The following DDX10 variants were observed in gnomAD, a reference collection of about 807,000 sequenced individuals.
DDX10 encodes the protein probable ATP-dependent RNA helicase DDX10.
In DDX10, 74 loss-of-function variants were observed where a neutral mutation model predicts 104.3. That is an observed-to-expected ratio of 0.71 (90% CI 0.59 to 0.86). The LOEUF (loss-of-function observed/expected upper bound fraction) is 0.86, where lower values mean the gene tolerates loss of function less well. Among genes scored for constraint, DDX10 ranks in the 40% least tolerant of loss-of-function variants. DDX10 has a pLI of 0.00. For synonymous variants in DDX10, 351 were observed against 353.4 expected (o/e 0.99, Z 0.08); for missense variants, 952 against 1,040.0 (o/e 0.92, Z 1.16).
chr11:108,744,964 A>G (rs2134499190), intron 13 of DDX10, among the ~76,000 whole-genome samples: 1 of 151,910 alleles, frequency 6.6e-6, no homozygotes, highest in South Asian at 2.1e-4. Flanking sequence ...GTGGCCAATC[A>G]ATTTTGGAAG....
In DDX10 at chr11:108,887,958, T is replaced by TC. The variant is rs745864477; in HGVS notation, c.2305-29915_2305-29914insC. 6.8e-3 allele frequency among the ~76,000 whole-genome samples: 418 copies of TC among 61,372 alleles called. 3 individuals are homozygous for TC. Among genetic ancestry groups the TC allele is most frequent in the African/African-American group, 0.015 (329 of 21,236 alleles). The allele number at this position is 61,372 out of a possible 152,430, so 40.3% of individuals were successfully genotyped here. A position where few individuals can be genotyped will look rare whatever the true frequency, so the allele number is the denominator to read the frequency against. On this transcript the variant is annotated intron_variant, in intron 16 of 17. Coordinates refer to ENST00000322536, the MANE Select transcript of DDX10 (RefSeq NM_004398.4). Reference sequence around the variant, plus strand: ...AAAAAAGAAAAGAAATACAGCTTTTTTCCCCCCCACTTTCTAGTTACTAAA... The same window carrying TC: ...AAAAAAGAAAAGAAATACAGCTTTTTCTCCCCCCCACTTTCTAGTTACTAAA...
chr11:108,728,463 A>G (rs2094307912), intron 13 of DDX10, among the ~76,000 whole-genome samples: 1 of 151,612 alleles, frequency 6.6e-6, no homozygotes, highest in Admixed American at 6.6e-5. Context: ...CCTAGAGATA[A>G]CAACTGTCTT....
At chr11:108,677,048 G>A in intron 3 of DDX10, 37 bp from the exon 4 acceptor site, 1 of 1,576,480 alleles carries the variant, frequency 6.3e-7, no homozygotes, top group Non-Finnish European at 8.6e-7. Flanking sequence ...GCTGACTTCT[G>A]ATGACTTACT....
At chr11:108,803,167 C>T (rs999094301) in intron 13 of DDX10, among the ~76,000 whole-genome samples, 3 of 152,050 alleles carry the variant, frequency 2.0e-5, no homozygotes, top group Admixed American at 6.5e-5. Flanking sequence ...AGCATTCTTG[C>T]AATATATCAG....
chr11:108,730,725 T>C (rs1394776563), intron 13 of DDX10, among the ~76,000 whole-genome samples: 3 of 152,232 alleles, frequency 2.0e-5, no homozygotes, highest in Non-Finnish European at 4.4e-5. Context: ...GGCCGAGCTT[T>C]ATAATTTAAT....
chr11:108,853,106 T>TA (rs1364553776), intron 16 of DDX10, among the ~76,000 whole-genome samples: 13 of 152,138 alleles, frequency 8.5e-5, no homozygotes, highest in Non-Finnish European at 1.9e-4. Context: ...CTGCTTATAT[T>TA]AAATATAAGC....
intron 1 of DDX10, among the ~76,000 whole-genome samples, chr11:108,672,983 A>G (rs1302070205): frequency 6.6e-6 from 1 of 152,240 alleles, no homozygotes; most frequent in Non-Finnish European, 1.5e-5. Context: ...ATTTATGGTT[A>G]AAACTTTGAA....
Position 108,869,278 on chromosome 11 carries a change from T to C in DDX10, c.2304+17069T>C, listed in dbSNP as rs1287547984. Among the ~76,000 whole-genome samples the C allele has an allele frequency of 4.6e-5, 7 of 151,960 alleles. No homozygotes were observed. The East Asian group carries it at 1.4e-3, about 30-fold the overall frequency. ...TACCTGGCAAGGCCAGGGCATAAGA[T>C]TGCCATTATGCTCTGTCATGGCTTA... On this transcript the variant is annotated intron_variant, in intron 16 of 17. Transcript: ENST00000322536.
At chr11:108,796,041 A>T (rs1249368181) in intron 13 of DDX10, among the ~76,000 whole-genome samples, 2 of 152,350 alleles carry the variant, frequency 1.3e-5, no homozygotes, top group South Asian at 2.1e-4. Flanking sequence ...TCAGCAGTTT[A>T]TACCTTTCAA....
chr11:108,758,413 A>G (rs1254262170), intron 13 of DDX10, among the ~76,000 whole-genome samples: 1 of 152,110 alleles, frequency 6.6e-6, no homozygotes, highest in African/African-American at 2.4e-5. Flanking sequence ...ATCATGGAGA[A>G]AATGGAATAA....
At chr11:108,918,753 A>G (rs1863786162) in intron 17 of DDX10, 3 of 152,254 alleles carry the variant, frequency 2.0e-5, no homozygotes, top group Admixed American at 1.3e-4. Flanking sequence ...AACAAATGAA[A>G]CGTGATGAAT....
At position 108,681,981 on chromosome 11, in the gene DDX10, G is replaced by A. The variant is rs935252012; in HGVS notation, c.848+2421G>A. Reference sequence around the variant, plus strand: ...TTTTTTGCCTTTTTCTTATTGGCTCGGAGGAGCCCTTTAGATAAATTAATT... The same window carrying A: ...TTTTTTGCCTTTTTCTTATTGGCTCAGAGGAGCCCTTTAGATAAATTAATT... On this transcript the variant is annotated intron_variant, in intron 6 of 17. Transcript: ENST00000322536. Among the ~76,000 whole-genome samples the A allele has an allele frequency of 2.6e-4, 39 of 152,036 alleles. No individual in the cohort carries two copies. In the Middle Eastern group the frequency reaches 0.01, roughly 40 times the overall value.
In DDX10 at chr11:108,689,021, C is replaced by T. The variant is rs763464362; in HGVS notation, c.934C>T (p.Leu312=). 14 of 1,614,094 alleles carry T rather than the reference C, an allele frequency of 8.7e-6. No homozygotes were observed. Among genetic ancestry groups the T allele is most frequent in the Non-Finnish European group, 1.2e-5 (14 of 1,179,954 alleles). ...GCTGTATTCCTTTTTGAGAAGCCAT[C>T]TGAAGAAGAAGAGCATTGTATTTTT... ...SVLYSFLRSH[L]KKKSIVFFSS... The change falls in exon 7 of 18, where the codon CTG becomes TTG. Residue 312 remains leucine, a synonymous_variant. Coordinates refer to ENST00000322536, the MANE Select transcript of DDX10 (RefSeq NM_004398.4).
rs951020717 is a variant in DDX10 at position 108,918,180 on chromosome 11, C to T, written c.2450+162C>T. 11 of 697,586 alleles carry T rather than the reference C, an allele frequency of 1.6e-5. No individual in the cohort carries two copies. The African/African-American group carries it at 1.8e-4, about 11-fold the overall frequency. The allele number at this position is 697,586 out of a possible 1,614,324, so 43.2% of individuals were successfully genotyped here. A position where few individuals can be genotyped will look rare whatever the true frequency, so the allele number is the denominator to read the frequency against. On this transcript the variant is annotated intron_variant, in intron 17 of 17. Transcript: ENST00000322536. ...TGGAAATCCTGCTGCTGTTTTTTTA[C>T]TCATTTTGCTGCAGATTGTTCTGGT...
chr11:108,747,659 A>G (rs904705544), intron 13 of DDX10, among the ~76,000 whole-genome samples: 5 of 152,052 alleles, frequency 3.3e-5, no homozygotes, highest in African/African-American at 1.2e-4. Flanking sequence ...CCATTGTTTT[A>G]TGCCTCCTAT....
chr11:108,923,316 A>G (rs1863859271), intron 17 of DDX10, among the ~76,000 whole-genome samples: 1 of 152,204 alleles, frequency 6.6e-6, no homozygotes, highest in Admixed American at 6.5e-5. Flanking sequence ...AGATACTGTA[A>G]TTGCCTTTGG....
chr11:108,930,647 C>T (rs1863964310), intron 17 of DDX10, among the ~76,000 whole-genome samples: 1 of 152,202 alleles, frequency 6.6e-6, no homozygotes, highest in South Asian at 2.1e-4. Context: ...TCCACAGCCC[C>T]ACCAGCATCT....
intron 13 of DDX10, among the ~76,000 whole-genome samples, chr11:108,796,000 T>A (rs918329348): frequency 6.6e-6 from 1 of 152,220 alleles, no homozygotes; most frequent in African/African-American, 2.4e-5. Flanking sequence ...CTAATAAGTA[T>A]AGAAGTGTTC....
chr11:108,762,755 A>G (rs1027268810), intron 13 of DDX10, among the ~76,000 whole-genome samples: 4 of 152,160 alleles, frequency 2.6e-5, no homozygotes, highest in Admixed American at 2.6e-4. Flanking sequence ...AAAATTATAT[A>G]CATTTTTACC....
Sources: allele counts gnomAD v4.1 joint callset (sites outside exome capture counted in the v4.1 genomes callset), GRCh38; gene constraint gnomAD v4.1.1; transcripts MANE v1.5; gene names NCBI Gene and HGNC (gene_info 2026-07-23, HGNC 2026-07-21).